The following STAU2 variants were observed in gnomAD, a reference collection of about 807,000 sequenced individuals.
The protein encoded by STAU2 is double-stranded RNA-binding protein Staufen homolog 2.
Under a neutral mutation model 65.9 loss-of-function variants are expected in STAU2, and 20 were observed. The observed-to-expected ratio is 0.30, with a 90% CI of 0.21 to 0.44. STAU2 has a LOEUF of 0.44. STAU2 is among the 20% of genes least tolerant of loss of function. The pLI is 1.00. For synonymous variants in STAU2, 232 were observed against 233.9 expected, an observed-to-expected ratio of 0.99 and a Z score of 0.07; for missense variants, 558 against 683.9, an observed-to-expected ratio of 0.82 and a Z score of 2.05.
At chr8:73,510,972 C>T (rs1165808201) in intron 13 of STAU2, among the ~76,000 whole-genome samples, 1 of 152,242 alleles carries the variant, frequency 6.6e-6, no homozygotes, top group Admixed American at 6.5e-5. Flanking sequence ...CAATTGGGAG[C>T]TGCAGAAGGT....
At chr8:73,676,485 C>T (rs1488716318) in intron 5 of STAU2, among the ~76,000 whole-genome samples, 1 of 152,180 alleles carries the variant, frequency 6.6e-6, no homozygotes, top group East Asian at 1.9e-4. Flanking sequence ...AGGTTATCTT[C>T]ACAAACTTGT....
chr8:73,746,438 G>A (rs1169385130), intron 1 of STAU2, among the ~76,000 whole-genome samples: 5 of 151,208 alleles, frequency 3.3e-5, no homozygotes, highest in African/African-American at 4.9e-5. Context: ...CCGCGTTCCT[G>A]TCTCCCCGAC....
In STAU2 at chr8:73,468,036, G is replaced by A. The variant is rs568888730; in HGVS notation, c.1531-45334C>T. On this transcript the variant is annotated intron_variant, in intron 13 of 14. Coordinates refer to ENST00000524300, the MANE Select transcript of STAU2 (RefSeq NM_001164380.2). ...AAAAGAACAAAGCTGGAGGCATCACGTGCTACCTGACTTCAAACTATACTA... is the reference window on the plus strand; with the variant it reads ...AAAAGAACAAAGCTGGAGGCATCACATGCTACCTGACTTCAAACTATACTA... Among the ~76,000 whole-genome samples the A allele has an allele frequency of 1.9e-3, 295 of 152,258 alleles. 1 individual carries two copies. The highest frequency in any genetic ancestry group is 6.8e-3 in the Middle Eastern group (2 of 294).
intron 13 of STAU2, among the ~76,000 whole-genome samples, chr8:73,506,430 T>C (rs1822069992): frequency 6.6e-6 from 1 of 152,166 alleles, no homozygotes; most frequent in South Asian, 2.1e-4. Flanking sequence ...TTTTTTTGTT[T>C]CCCAGTCCAT....
intron 12 of STAU2, among the ~76,000 whole-genome samples, chr8:73,562,891 G>A (rs1808331745): frequency 6.6e-6 from 1 of 151,956 alleles, no homozygotes; most frequent in Non-Finnish European, 1.5e-5. Context: ...CAAAAGGGCT[G>A]CTTGAGCTCA....
At chr8:73,461,903 A>G (rs1819370800) in intron 13 of STAU2, among the ~76,000 whole-genome samples, 1 of 152,106 alleles carries the variant, frequency 6.6e-6, no homozygotes, top group South Asian at 2.1e-4. Flanking sequence ...AGCTCTGCCC[A>G]GGCTCTTCAC....
At chr8:73,693,719 G>A (rs1819515474) in intron 4 of STAU2, among the ~76,000 whole-genome samples, 1 of 152,182 alleles carries the variant, frequency 6.6e-6, no homozygotes, top group Non-Finnish European at 1.5e-5. Flanking sequence ...TTTTAAGACG[G>A]AATGCTGGAG....
At chr8:73,679,785 G>A (rs1300396740) in intron 5 of STAU2, among the ~76,000 whole-genome samples, 2 of 151,472 alleles carry the variant, frequency 1.3e-5, no homozygotes, top group Non-Finnish European at 2.9e-5. Flanking sequence ...CTACTTGGGA[G>A]GCTGAGGCAG....
At position 73,695,724 on chromosome 8, in the gene STAU2, A is replaced by G. The variant is rs539255359; in HGVS notation, c.115-6911T>C. On this transcript the variant is annotated intron_variant, in intron 4 of 14. Coordinates refer to ENST00000524300, the MANE Select transcript of STAU2 (RefSeq NM_001164380.2). The stretch of plus-strand genomic sequence containing the variant: ...CTACTTCAGGGAGCCCACTGCCCTG[A>G]AGAATGAGCCCATGGACCAGTGGTG... Among the ~76,000 whole-genome samples, 11 of 152,282 alleles carry G rather than the reference A, an allele frequency of 7.2e-5. No individual in the cohort carries two copies. The South Asian group carries it at 2.1e-3, about 29-fold the overall frequency.
chr8:73,648,397 C>T (rs1389058828), intron 6 of STAU2, among the ~76,000 whole-genome samples: 2 of 152,172 alleles, frequency 1.3e-5, no homozygotes, highest in African/African-American at 4.8e-5. Flanking sequence ...CTATAACTTA[C>T]TTCATAAATG....
chr8:73,533,073 C>T (rs1805930604), intron 13 of STAU2, among the ~76,000 whole-genome samples: 1 of 152,218 alleles, frequency 6.6e-6, no homozygotes, highest in Non-Finnish European at 1.5e-5. Context: ...GCTATGGTCA[C>T]TCATTGGCTT....
chr8:73,724,708 G>A (rs1427269127), intron 3 of STAU2, among the ~76,000 whole-genome samples: 1 of 143,044 alleles, frequency 7.0e-6, no homozygotes, highest in Non-Finnish European at 1.5e-5. Context: ...TTTTTTTTCT[G>A]AGTCAAGGTC....
intron 13 of STAU2, among the ~76,000 whole-genome samples, chr8:73,464,398 C>T (rs1324753912): frequency 6.6e-6 from 1 of 152,200 alleles, no homozygotes; most frequent in Non-Finnish European, 1.5e-5. Flanking sequence ...ATTTTTCAAG[C>T]TTTCTGAGAA....
At chr8:73,613,639 T>C (rs1586123832) in intron 9 of STAU2, 105 bp downstream of exon 9, 1 of 820,486 alleles carries the variant, frequency 1.2e-6, no homozygotes, top group East Asian at 2.7e-5. Flanking sequence ...CAGGACTGTA[T>C]ATAGTCCATA....
At chr8:73,546,642 A>G (rs559468273) in intron 13 of STAU2, among the ~76,000 whole-genome samples, 3 of 152,314 alleles carry the variant, frequency 2.0e-5, no homozygotes, top group African/African-American at 7.2e-5. Context: ...TTTACATGCA[A>G]CATTCCACAT....
At chr8:73,441,874 TA>T (rs1563594052) in intron 13 of STAU2, among the ~76,000 whole-genome samples, 1 of 152,252 alleles carries the variant, frequency 6.6e-6, no homozygotes, top group Non-Finnish European at 1.5e-5. Context: ...TCAATTATAT[TA>T]TCACAACTTT....
At chr8:73,550,031 C>T in intron 13 of STAU2, 6 of 985,556 alleles carry the variant, frequency 6.1e-6, no homozygotes, top group Non-Finnish European at 7.2e-6. Flanking sequence ...ATGGGCTATG[C>T]ATGTGGCCAG....
intron 13 of STAU2, among the ~76,000 whole-genome samples, chr8:73,548,936 T>C (rs1489407897): frequency 6.6e-6 from 1 of 152,222 alleles, no homozygotes; most frequent in African/African-American, 2.4e-5. Flanking sequence ...ATTTCTAATA[T>C]AATTAGCATA....
intron 5 of STAU2, among the ~76,000 whole-genome samples, chr8:73,685,890 A>G (rs1181327207): frequency 6.6e-6 from 1 of 152,226 alleles, no homozygotes; most frequent in Non-Finnish European, 1.5e-5. Context: ...TTGCGAAAAC[A>G]TAAAACCAGC....
Sources: allele counts gnomAD v4.1 joint callset (sites outside exome capture counted in the v4.1 genomes callset), GRCh38; gene constraint gnomAD v4.1.1; transcripts MANE v1.5; gene names NCBI Gene and HGNC (gene_info 2026-07-23, HGNC 2026-07-21).